IL1RL2: variants seen among roughly 807,000 people sequenced by gnomAD.
IL1RL2 encodes the protein interleukin 1 receptor like 2.
IL1RL2 carries 68 observed loss-of-function variants against 66.8 expected under a neutral mutation model. The ratio of observed to expected loss-of-function variants is 1.02; its 90% confidence interval spans 0.84 to 1.25. The LOEUF (loss-of-function observed/expected upper bound fraction) is 1.25, where lower values mean the gene tolerates loss of function less well. IL1RL2 is among the 50% of genes most tolerant of loss of function. IL1RL2 has a pLI of 0.00. For missense variants in IL1RL2, 729 were observed against 709.3 expected (o/e 1.03, Z -0.32); for synonymous variants, 305 against 264.6 (o/e 1.15, Z -1.48).
At chr2:102,197,503 G>A (rs1687887408) in intron 4 of IL1RL2, among the ~76,000 whole-genome samples, 1 of 152,130 alleles carries the variant, frequency 6.6e-6, no homozygotes, top group East Asian at 1.9e-4. Context: ...AAAGTGTAAT[G>A]CCCATGGTGA....
chr2:102,231,085 C>T (rs1017490579), intron 9 of IL1RL2, among the ~76,000 whole-genome samples: 2 of 152,216 alleles, frequency 1.3e-5, no homozygotes, highest in Non-Finnish European at 2.9e-5. Context: ...AGCTCGAAAT[C>T]GCGTTTTCCA....
chr2:102,208,349 G>A (rs762306879), intron 5 of IL1RL2, among the ~76,000 whole-genome samples: 1 of 152,210 alleles, frequency 6.6e-6, no homozygotes, highest in Non-Finnish European at 1.5e-5. Flanking sequence ...AGTTCCAGGA[G>A]GGGAGCAACT....
Position 102,234,991 on chromosome 2 carries a change from C to T in IL1RL2, c.1392C>T (p.Asn464=). The T allele has an allele frequency of 1.2e-6, 2 of 1,614,144 alleles. No individual in the cohort carries two copies. The highest frequency in any genetic ancestry group is 1.7e-6 in the Non-Finnish European group (2 of 1,180,032). Reference sequence around the variant, plus strand: ...CGCTGGGCTTTGGCCTGTTGAAGAACCTGTCAGAAGAACAAATCGCGGTCT... The same window carrying T: ...CGCTGGGCTTTGGCCTGTTGAAGAATCTGTCAGAAGAACAAATCGCGGTCT... ...PESLGFGLLK[N]LSEEQIAVYS... Residue 464 remains asparagine, a synonymous_variant, in exon 11 of 12, where the codon AAC becomes AAT. Coordinates refer to ENST00000264257, the MANE Select transcript of IL1RL2 (RefSeq NM_003854.4).
At chr2:102,191,873 T>C in intron 3 of IL1RL2, 52 bp from the exon 4 acceptor site, 1 of 1,220,366 alleles carries the variant, frequency 8.2e-7, no homozygotes. Context: ...TGGAATTATT[T>C]GATTTTGTGA....
chr2:102,199,953 G>C (rs1359660436), intron 4 of IL1RL2, among the ~76,000 whole-genome samples: 1 of 151,996 alleles, frequency 6.6e-6, no homozygotes, highest in East Asian at 1.9e-4. Flanking sequence ...GAGCTCAGGT[G>C]TTCGAGACCA....
chr2:102,198,622 T>C (rs1687983058), intron 4 of IL1RL2, among the ~76,000 whole-genome samples: 1 of 152,226 alleles, frequency 6.6e-6, no homozygotes, highest in South Asian at 2.1e-4. Flanking sequence ...CATTTCCTTC[T>C]AAGACTTATT....
intron 6 of IL1RL2, among the ~76,000 whole-genome samples, chr2:102,218,278 A>G (rs1403692260): frequency 6.6e-6 from 1 of 152,192 alleles, no homozygotes; most frequent in Non-Finnish European, 1.5e-5. Context: ...GTTATATTTC[A>G]CAATCATTTT....
At chr2:102,194,315 A>G (rs1000602362) in intron 4 of IL1RL2, among the ~76,000 whole-genome samples, 2 of 151,934 alleles carry the variant, frequency 1.3e-5, no homozygotes, top group African/African-American at 2.4e-5. Flanking sequence ...TATTTCATCC[A>G]TTTTCTTTGC....
intron 8 of IL1RL2, among the ~76,000 whole-genome samples, chr2:102,223,141 G>A (rs938528171): frequency 2.0e-5 from 3 of 152,142 alleles, no homozygotes; most frequent in Admixed American, 2.0e-4. Context: ...TCCTGGCAAT[G>A]CTCATTTTAT....
At position 102,235,032 on chromosome 2, in the gene IL1RL2, A is replaced by T; in HGVS notation, c.1433A>T (p.Gln478Leu). 1 of 1,614,196 alleles carries T rather than the reference A, an allele frequency of 6.2e-7. No individual in the cohort carries two copies. The highest frequency in any genetic ancestry group is 8.5e-7 in the Non-Finnish European group (1 of 1,180,032). Residue 478 changes from glutamine (Q) to leucine (L), a missense_variant, in exon 11 of 12, where the codon CAG becomes CTG. By Grantham distance (113) the Gln-to-Leu change is moderately radical. Transcript: ENST00000264257. ...EQIAVYSALI[Q>L]DGMKVILIEL... The stretch of plus-strand genomic sequence containing the variant: ...ATCGCGGTCTACAGTGCCCTGATCC[A>T]GGACGGGATGAAGGTTATTCTCATT...
intron 4 of IL1RL2, among the ~76,000 whole-genome samples, chr2:102,195,627 T>TTCTCTCTCTC (rs1159940295): frequency 1.4e-4 from 2 of 14,642 alleles, no homozygotes; most frequent in Non-Finnish European, 3.3e-4. Flanking sequence ...CTTTCTTTCT[T>TTCTCTCTCTC]TCTCTCTCTC....
intron 4 of IL1RL2, among the ~76,000 whole-genome samples, chr2:102,193,873 T>C (rs1388702019): frequency 6.6e-6 from 1 of 152,220 alleles, no homozygotes; most frequent in Non-Finnish European, 1.5e-5. Flanking sequence ...CTTATTTTAC[T>C]TTTCATGCCA....
At chr2:102,225,855 AT>A in intron 8 of IL1RL2, 42 bp from the exon 9 acceptor site, 1 of 1,413,778 alleles carries the variant, frequency 7.1e-7, no homozygotes, top group African/African-American at 1.5e-5. Context: ...TTGTTTCATT[AT>A]TATAATTATA....
chr2:102,222,842 C>G (rs552616880), intron 8 of IL1RL2, among the ~76,000 whole-genome samples: 1 of 152,298 alleles, frequency 6.6e-6, no homozygotes. Flanking sequence ...TTGTAAGAAG[C>G]CTTGGAGAGT....
rs750679015 is a variant in IL1RL2 at position 102,189,160 on chromosome 2, C to T, written c.143C>T (p.Thr48Ile). The change falls in exon 3 of 12, where the codon ACA becomes ATA. Residue 48 changes from threonine to isoleucine, a missense_variant. Coordinates refer to ENST00000264257, the MANE Select transcript of IL1RL2 (RefSeq NM_003854.4). ...FAFNCTFPPI[T>I]SGEVSVTWYK... ...TTTAATTGTACATTCCCTCCCATAA[C>T]ATCTGGGGAAGTCAGTGTAACATGG... 38 of 1,613,922 alleles carry T rather than the reference C, an allele frequency of 2.4e-5. No homozygotes were observed. Among genetic ancestry groups the T allele is most frequent in the Non-Finnish European group, 1.7e-6 (2 of 1,179,922 alleles).
intron 9 of IL1RL2, among the ~76,000 whole-genome samples, chr2:102,231,724 G>A (rs1030064896): frequency 1.3e-5 from 2 of 152,190 alleles, no homozygotes; most frequent in Non-Finnish European, 2.9e-5. Flanking sequence ...GGCCAATGCA[G>A]GGGCTGCTTT....
chr2:102,219,886 A>G lies in IL1RL2; in HGVS notation c.860A>G (p.His287Arg). The G allele has an allele frequency of 6.2e-7, 1 of 1,607,298 alleles. No individual in the cohort carries two copies. The highest frequency in any genetic ancestry group is 8.5e-7 in the Non-Finnish European group (1 of 1,174,252). ...SKRIREGVET[H>R]VSFREHNLYT... ...CTTACTCTTTTCTTTTATAGAACCC[A>G]TGTCTCTTTTCGGGAACATAATTTG... is the stretch of plus-strand genomic sequence containing the variant. Residue 287 changes from histidine (H) to arginine (R), a missense_variant, in exon 8 of 12, where the codon CAT (histidine) becomes CGT (arginine). His to Arg is a conservative substitution (Grantham distance 29). Coordinates refer to ENST00000264257, the MANE Select transcript of IL1RL2 (RefSeq NM_003854.4).
chr2:102,236,491 T>C (rs1674898677), intron 11 of IL1RL2, among the ~76,000 whole-genome samples: 1 of 152,248 alleles, frequency 6.6e-6, no homozygotes, highest in African/African-American at 2.4e-5. Flanking sequence ...TGACCTCACA[T>C]TACACATTTG....
chr2:102,231,307 G>A (rs997421231), intron 9 of IL1RL2, among the ~76,000 whole-genome samples: 1 of 152,040 alleles, frequency 6.6e-6, no homozygotes, highest in African/African-American at 2.4e-5. Context: ...GCTCCAGCCT[G>A]GCCAACATAA....
Sources: allele counts gnomAD v4.1 joint callset (sites outside exome capture counted in the v4.1 genomes callset), GRCh38; gene constraint gnomAD v4.1.1; transcripts MANE v1.5; gene names NCBI Gene and HGNC (gene_info 2026-07-23, HGNC 2026-07-21).